The following ASPRV1 variants were observed in gnomAD, a reference collection of about 807,000 sequenced individuals.
ASPRV1 encodes aspartic peptidase retroviral like 1, also known as retroviral-like aspartic protease 1.
ASPRV1 carries 7 observed loss-of-function variants against 11.0 expected under a neutral mutation model. That is an observed-to-expected ratio of 0.64 (90% CI 0.36 to 1.20). The LOEUF (loss-of-function observed/expected upper bound fraction) is 1.20. Ranked by LOEUF, ASPRV1 falls within the 50% of genes most tolerant of loss-of-function variation. The pLI is 0.02. For synonymous variants in ASPRV1, 136 were observed against 138.4 expected, an observed-to-expected ratio of 0.98 and a Z score of 0.12; for missense variants, 299 against 320.0, an observed-to-expected ratio of 0.93 and a Z score of 0.50.
rs1558581613 is a variant in ASPRV1 at position 69,961,604 on chromosome 2, C to A, written c.-168G>T. The A allele has an allele frequency of 6.2e-7, 1 of 1,611,666 alleles. No individual in the cohort carries two copies. The highest frequency in any genetic ancestry group is 1.7e-5 in the Admixed American group (1 of 59,926). ...GGAGCAGGCGCGGTCGGCTGGCTGA[C>A]TGCTGGGGCAGAGGCAGGCAGTGCT... On this transcript the variant is annotated 5_prime_UTR_variant, in exon 1 of 1. Coordinates refer to ENST00000320256, the MANE Select transcript of ASPRV1 (RefSeq NM_152792.4).
At chr2:70,070,971 C>A in the ASPRV1 span, among the ~76,000 whole-genome samples, 1 of 152,112 alleles carries the variant, frequency 6.6e-6, no homozygotes, top group Admixed American at 6.5e-5. Flanking sequence ...CTGTACACCA[C>A]AGTCCCTGGC....
chr2:70,075,643 T>C, the ASPRV1 span, among the ~76,000 whole-genome samples: 15 of 151,988 alleles, frequency 9.9e-5, no homozygotes, highest in African/African-American at 3.6e-4. Flanking sequence ...GGCTGGGAGT[T>C]CAAGACCAGC....
chr2:70,004,207 G>A, the ASPRV1 span, among the ~76,000 whole-genome samples: 1 of 152,030 alleles, frequency 6.6e-6, no homozygotes, highest in Non-Finnish European at 1.5e-5. Context: ...AGAGGAATAG[G>A]GACCAACTCC....
chr2:69,945,224 G>A, the ASPRV1 span, among the ~76,000 whole-genome samples: 48 of 140,694 alleles, frequency 3.4e-4, 1 homozygote, highest in South Asian at 9.8e-3. Flanking sequence ...GGGCGACAGA[G>A]AGAGACCCTG....
chr2:70,004,551 A>G, the ASPRV1 span, among the ~76,000 whole-genome samples: 4 of 147,808 alleles, frequency 2.7e-5, no homozygotes, highest in Non-Finnish European at 5.9e-5. Flanking sequence ...AAAAAAAAAA[A>G]GAAGTGGGGT....
chr2:70,029,138 A>G, the ASPRV1 span, among the ~76,000 whole-genome samples: 1 of 152,020 alleles, frequency 6.6e-6, no homozygotes, highest in Non-Finnish European at 1.5e-5. Flanking sequence ...CAATTTCTGT[A>G]TCTGGGGCTT....
the ASPRV1 span, among the ~76,000 whole-genome samples, chr2:70,039,816 G>C: frequency 6.6e-6 from 1 of 152,110 alleles, no homozygotes; most frequent in African/African-American, 2.4e-5. Context: ...AATTGTTCTT[G>C]AATAAGAAAA....
At chr2:69,996,191 A>G in the ASPRV1 span, among the ~76,000 whole-genome samples, 7 of 147,946 alleles carry the variant, frequency 4.7e-5, no homozygotes, top group African/African-American at 1.8e-4. Context: ...CAGCCTGGGC[A>G]ATATAGGGAG....
the ASPRV1 span, among the ~76,000 whole-genome samples, chr2:70,052,825 C>A: frequency 2.0e-5 from 3 of 152,154 alleles, no homozygotes; most frequent in Admixed American, 6.5e-5. Flanking sequence ...GCAAGGCCAC[C>A]TGACTCAGAC....
At chr2:69,998,570 C>CA in the ASPRV1 span, among the ~76,000 whole-genome samples, 3 of 150,482 alleles carry the variant, frequency 2.0e-5, no homozygotes, top group Non-Finnish European at 3.0e-5. Context: ...ACTAAAAATA[C>CA]AAAAAAAAAT....
the ASPRV1 span, among the ~76,000 whole-genome samples, chr2:69,996,032 C>T: frequency 6.6e-6 from 1 of 152,046 alleles, no homozygotes; most frequent in Admixed American, 6.6e-5. Flanking sequence ...CCCTAGCTCT[C>T]ACCAACCCAG....
At chr2:69,967,033 C>A in the ASPRV1 span, among the ~76,000 whole-genome samples, 1 of 152,184 alleles carries the variant, frequency 6.6e-6, no homozygotes, top group Non-Finnish European at 1.5e-5. Context: ...GTATTGAGCA[C>A]CTACTGTGTG....
rs758846975 is a variant in ASPRV1 at position 69,961,507 on chromosome 2, G to T, written c.-71C>A. On this transcript the variant is annotated 5_prime_UTR_variant, in exon 1 of 1. Coordinates refer to ENST00000320256, the MANE Select transcript of ASPRV1 (RefSeq NM_152792.4). ...GAGAAACCCACAGAGCAGTGTCGGC[G>T]CAATCACGCTGGAAAACGGGGCCTC... 4.3e-6 allele frequency: 7 copies of T among 1,614,106 alleles called. No homozygotes were observed. In the East Asian group the frequency reaches 1.3e-4, roughly 31 times the overall value.
At chr2:70,054,441 G>A in the ASPRV1 span, among the ~76,000 whole-genome samples, 9 of 151,648 alleles carry the variant, frequency 5.9e-5, no homozygotes, top group South Asian at 2.1e-4. Context: ...TTAGCCCGGC[G>A]CGGTGGCAGG....
At chr2:70,064,863 G>GC in the ASPRV1 span, among the ~76,000 whole-genome samples, 1 of 152,122 alleles carries the variant, frequency 6.6e-6, no homozygotes, top group African/African-American at 2.4e-5. Context: ...GGAGGCCAAG[G>GC]CAGGCGGAAC....
At chr2:69,954,280 A>C in the ASPRV1 span, among the ~76,000 whole-genome samples, 509 of 152,266 alleles carry the variant, frequency 3.3e-3, 2 homozygotes, top group African/African-American at 0.012. Context: ...GCTGTGTCTG[A>C]ATACAGTCCC....
At chr2:69,989,307 T>C in the ASPRV1 span, among the ~76,000 whole-genome samples, 1 of 152,250 alleles carries the variant, frequency 6.6e-6, no homozygotes, top group African/African-American at 2.4e-5. Context: ...GGGCCTTTTA[T>C]AAGACATTTA....
At chr2:70,046,312 C>T in the ASPRV1 span, 2 of 152,242 alleles carry the variant, frequency 1.3e-5, no homozygotes, top group Non-Finnish European at 2.9e-5. Flanking sequence ...CTGGACCTTA[C>T]TTCTAGCATC....
the ASPRV1 span, among the ~76,000 whole-genome samples, chr2:69,989,971 G>A: frequency 6.6e-6 from 1 of 152,186 alleles, no homozygotes; most frequent in Non-Finnish European, 1.5e-5. Context: ...CCATGGGTGT[G>A]GCCACAGTGC....
Sources: allele counts gnomAD v4.1 joint callset (sites outside exome capture counted in the v4.1 genomes callset), GRCh38; gene constraint gnomAD v4.1.1; transcripts MANE v1.5; gene names NCBI Gene and HGNC (gene_info 2026-07-23, HGNC 2026-07-21).